The following ESRRG variants were observed in gnomAD, a reference collection of about 807,000 sequenced individuals.
The protein encoded by ESRRG is estrogen related receptor gamma.
A neutral mutation model predicts 44.0 loss-of-function variants in ESRRG; 13 were observed. The ratio of observed to expected loss-of-function variants is 0.30; its 90% CI spans 0.19 to 0.47. The LOEUF (loss-of-function observed/expected upper bound fraction) is 0.47, where lower values mean the gene tolerates loss of function less well. ESRRG is among the 20% of genes least tolerant of loss of function. The probability of loss-of-function intolerance (pLI) is 1.00; values close to 1 mark genes in which losing one functional copy is unlikely to be tolerated. For synonymous variants in ESRRG, 215 were observed against 214.6 expected (o/e 1.00, Z -0.02); for missense variants, 395 against 580.6 (o/e 0.68, Z 3.29).
At chr1:216,551,301 T>C (rs1374198190) in intron 5 of ESRRG, among the ~76,000 whole-genome samples, 2 of 152,126 alleles carry the variant, frequency 1.3e-5, no homozygotes, top group Non-Finnish European at 2.9e-5. Context: ...GCTACAAAAA[T>C]ATATTGCACA....
intron 2 of ESRRG, among the ~76,000 whole-genome samples, chr1:216,919,097 T>C (rs1319821092): frequency 1.3e-5 from 2 of 152,146 alleles, no homozygotes; most frequent in Non-Finnish European, 2.9e-5. Flanking sequence ...TTCACTTCCT[T>C]ATCTAATGTT....
At chr1:217,117,063 A>C (rs1405330540) in intron 1 of ESRRG, among the ~76,000 whole-genome samples, 1 of 152,226 alleles carries the variant, frequency 6.6e-6, no homozygotes, top group African/African-American at 2.4e-5. Flanking sequence ...AATATAAATA[A>C]TAACAGCATA....
chr1:216,595,277 C>T (rs1174097776), intron 3 of ESRRG, among the ~76,000 whole-genome samples: 1 of 152,158 alleles, frequency 6.6e-6, no homozygotes, highest in Admixed American at 6.5e-5. Context: ...ATCTAGTGCT[C>T]ATGGCACTCA....
In ESRRG at chr1:216,842,260, A is replaced by G. The variant is rs11572572; in HGVS notation, c.-14+97322T>C. ...CATTTTTTGTCTCAGAGTTGAATTT[A>G]TATATTTATACTGAGGCTTAAGAGA... On this transcript the variant is annotated intron_variant, in intron 2 of 7. Transcript: ENST00000359162. 5.0e-3 allele frequency among the ~76,000 whole-genome samples: 763 copies of G among 152,246 alleles called. 4 individuals are homozygous for G. Among genetic ancestry groups the G allele is most frequent in the African/African-American group, 0.018 (729 of 41,540 alleles).
In ESRRG at chr1:216,912,165, GAAAAGAAAAGAAAAGAAA is replaced by G. The variant is rs1560082016; in HGVS notation, c.-14+27399_-14+27416del. On this transcript the variant is annotated intron_variant, in intron 2 of 7. Transcript: ENST00000359162. ...GAAAAGAAAAGAAAAGAAAAGAAAA[GAAAAGAAAAGAAAAGAAA>G]AGGAGAGGAGAGGAGAGGAGAGGAG... 2.7e-3 allele frequency among the ~76,000 whole-genome samples: 91 copies of G among 33,922 alleles called. 5 individuals are homozygous for G. Among genetic ancestry groups the G allele is most frequent in the Non-Finnish European group, 2.6e-3 (54 of 20,502 alleles). The allele number at this position is 33,922 out of a possible 152,430, so 22.3% of individuals were successfully genotyped here. A position where few individuals can be genotyped will look rare whatever the true frequency, so the allele number is the denominator to read the frequency against.
At chr1:216,743,602 A>T (rs2091019345) in intron 2 of ESRRG, among the ~76,000 whole-genome samples, 1 of 152,194 alleles carries the variant, frequency 6.6e-6, no homozygotes, top group Non-Finnish European at 1.5e-5. Flanking sequence ...GAGTTTTTCT[A>T]GCAAGCTGTT....
Position 216,902,318 on chromosome 1 carries a change from G to A in ESRRG, c.-14+37264C>T, listed in dbSNP as rs933533706. Among the ~76,000 whole-genome samples, 4 of 151,946 alleles carry A rather than the reference G, an allele frequency of 2.6e-5. No individual in the cohort carries two copies. The East Asian group carries it at 5.8e-4, about 22-fold the overall frequency. ...AGCCTTGCCAACATGGCAAAACCCCGTCTCTACTAAAAATACAAAAATTAT... is the reference window on the plus strand; with the variant it reads ...AGCCTTGCCAACATGGCAAAACCCCATCTCTACTAAAAATACAAAAATTAT... On this transcript the variant is annotated intron_variant, in intron 2 of 7. Coordinates refer to the ESRRG transcript ENST00000359162.
chr1:217,134,743 G>T (rs1245616102), intron 1 of ESRRG, among the ~76,000 whole-genome samples: 1 of 152,228 alleles, frequency 6.6e-6, no homozygotes, highest in Non-Finnish European at 1.5e-5. Context: ...CCGGGCTGAG[G>T]CTCGAGGAAC....
intron 2 of ESRRG, among the ~76,000 whole-genome samples, chr1:216,821,366 T>C (rs962993680): frequency 2.0e-4 from 30 of 152,054 alleles, no homozygotes; most frequent in African/African-American, 7.2e-4. Context: ...GGGGGTTTAT[T>C]TGTGGGGATC....
At chr1:217,013,181 A>C (rs1327003779) in intron 1 of ESRRG, among the ~76,000 whole-genome samples, 1 of 152,130 alleles carries the variant, frequency 6.6e-6, no homozygotes, top group Non-Finnish European at 1.5e-5. Context: ...GGAGGTTAGG[A>C]CTCCAAAATA....
intron 3 of ESRRG, among the ~76,000 whole-genome samples, chr1:216,648,975 T>C (rs1344355618): frequency 6.6e-6 from 1 of 152,112 alleles, no homozygotes; most frequent in Non-Finnish European, 1.5e-5. Context: ...ATCATTAACT[T>C]TCAGAAATAT....
At chr1:216,885,443 T>C (rs1272721665) in intron 2 of ESRRG, among the ~76,000 whole-genome samples, 5 of 151,596 alleles carry the variant, frequency 3.3e-5, no homozygotes, top group Non-Finnish European at 5.9e-5. Context: ...GCAGGTGGAG[T>C]ATGAGGAACC....
chr1:216,777,897 C>T (rs1270361353), intron 2 of ESRRG, among the ~76,000 whole-genome samples: 1 of 152,120 alleles, frequency 6.6e-6, no homozygotes, highest in Non-Finnish European at 1.5e-5. Flanking sequence ...CTCTTCCATG[C>T]TGACTTATGA....
At chr1:216,643,579 A>C (rs1050602478) in intron 3 of ESRRG, among the ~76,000 whole-genome samples, 1 of 152,094 alleles carries the variant, frequency 6.6e-6, no homozygotes. Flanking sequence ...AGTGTCCTCA[A>C]CCTTACCATT....
At chr1:216,877,060 A>G (rs2096366572) in intron 2 of ESRRG, among the ~76,000 whole-genome samples, 1 of 151,822 alleles carries the variant, frequency 6.6e-6, no homozygotes, top group Non-Finnish European at 1.5e-5. Flanking sequence ...CATTACCACA[A>G]AACAATATTT....
intron 1 of ESRRG, among the ~76,000 whole-genome samples, chr1:217,021,049 T>TACACACACACACACAC (rs10655764): frequency 1.5e-3 from 223 of 145,430 alleles, no homozygotes; most frequent in African/African-American, 3.7e-3. Flanking sequence ...CTGCCATGCA[T>TACACACACACACACAC]ACACACACAC....
chr1:216,719,959 T>A (rs11572670), intron 1 of ESRRG, among the ~76,000 whole-genome samples: 3,062 of 152,102 alleles, frequency 0.02, 52 homozygotes, highest in Non-Finnish European at 0.033. Context: ...ATTTTTAAAC[T>A]TACCACCAAA....
chr1:216,760,269 C>A (rs1186056312), intron 2 of ESRRG, among the ~76,000 whole-genome samples: 1 of 150,168 alleles, frequency 6.7e-6, no homozygotes, highest in African/African-American at 2.5e-5. Flanking sequence ...ATAAAAAAAT[C>A]TCAAATTCTT....
intron 2 of ESRRG, among the ~76,000 whole-genome samples, chr1:216,873,509 C>T (rs1042627037): frequency 2.0e-5 from 3 of 151,842 alleles, no homozygotes; most frequent in South Asian, 2.1e-4. Context: ...CCACCGGGCC[C>T]GGCCAGGAGT....
Sources: gnomAD v4.1 joint callset for allele counts (sites outside exome capture counted in the v4.1 genomes callset) on GRCh38, gnomAD v4.1.1 for gene constraint, MANE v1.5 for transcripts, NCBI Gene and HGNC (gene_info 2026-07-23, HGNC 2026-07-21) for gene names.